Variants in CNGA1 observed in about 807,000 individuals in gnomAD.
The protein encoded by CNGA1 is cyclic nucleotide gated channel subunit alpha 1.
A neutral mutation model predicts 69.7 loss-of-function variants in CNGA1; 53 were observed. That is an observed-to-expected ratio of 0.76 (90% CI 0.61 to 0.96). CNGA1 has a LOEUF of 0.96. Ranked by LOEUF, CNGA1 falls within the 40% of genes least tolerant of loss-of-function variation. The pLI is 0.00. For missense variants in CNGA1, 739 were observed against 811.2 expected, an observed-to-expected ratio of 0.91 and a Z score of 1.08; for synonymous variants, 249 against 283.5, an observed-to-expected ratio of 0.88 and a Z score of 1.22.
chr4:47,973,694 C>T (rs372900532), intron 3 of CNGA1, among the ~76,000 whole-genome samples: 12 of 151,242 alleles, frequency 7.9e-5, no homozygotes, highest in Admixed American at 3.3e-4. Flanking sequence ...CAGTTAACTT[C>T]GGGATGTGTA....
rs181827806 is a variant in CNGA1 at position 47,961,693 on chromosome 4, A to G, written c.-14-8990T>C. ...TGGGGCGGAGTGAAGTTTACAGTGC[A>G]CTCCAGCCTGGGTGACAGAGCAAGA... On this transcript the variant is annotated intron_variant, in intron 3 of 10. Coordinates refer to ENST00000514170, the MANE Select transcript of CNGA1 (RefSeq NM_001379270.1). Among the ~76,000 whole-genome samples, 7 of 152,172 alleles carry G rather than the reference A, an allele frequency of 4.6e-5. No individual in the cohort carries two copies. The East Asian group carries it at 1.4e-3, about 29-fold the overall frequency.
intron 2 of CNGA1, among the ~76,000 whole-genome samples, chr4:47,999,422 T>C (rs1714561570): frequency 6.6e-6 from 1 of 152,216 alleles, no homozygotes; most frequent in South Asian, 2.1e-4. Flanking sequence ...CCTTCCCCTC[T>C]TTTAAGGAGG....
intron 2 of CNGA1, among the ~76,000 whole-genome samples, chr4:47,995,919 G>A (rs1027202445): frequency 6.6e-6 from 1 of 152,062 alleles, no homozygotes; most frequent in Non-Finnish European, 1.5e-5. Context: ...TCTCTCTTCT[G>A]GATCTAGCCA....
intron 3 of CNGA1, among the ~76,000 whole-genome samples, chr4:47,953,755 T>C (rs1429478142): frequency 6.6e-6 from 1 of 152,196 alleles, no homozygotes; most frequent in African/African-American, 2.4e-5. Context: ...CTATGATTTC[T>C]GTTCATGGTC....
chr4:47,971,836 G>T lies in CNGA1; in HGVS notation c.-15+9557C>A, dbSNP rs965220685. 2.0e-5 allele frequency among the ~76,000 whole-genome samples: 3 copies of T among 152,200 alleles called. No individual in the cohort carries two copies. In the East Asian group the frequency reaches 5.8e-4, roughly 29 times the overall value. ...TTGAACCTGGGAGGTGGAGGTTGCAGTGAGCTGAGATCATGCCATTGCACT... is the reference window on the plus strand; with the variant it reads ...TTGAACCTGGGAGGTGGAGGTTGCATTGAGCTGAGATCATGCCATTGCACT... On this transcript the variant is annotated intron_variant, in intron 3 of 10. Coordinates refer to ENST00000514170, the MANE Select transcript of CNGA1 (RefSeq NM_001379270.1).
chr4:47,963,105 G>A (rs995334283), intron 3 of CNGA1, among the ~76,000 whole-genome samples: 7 of 152,034 alleles, frequency 4.6e-5, no homozygotes, highest in South Asian at 2.1e-4. Context: ...ATACAGGCAC[G>A]TACCACCACA....
intron 2 of CNGA1, among the ~76,000 whole-genome samples, chr4:48,003,083 T>A (rs1431330735): frequency 2.0e-5 from 3 of 152,144 alleles, no homozygotes; most frequent in Admixed American, 6.5e-5. Flanking sequence ...CCTGATGACA[T>A]GTGCCCAAGG....
At chr4:47,963,739 A>G (rs1740582987) in intron 3 of CNGA1, among the ~76,000 whole-genome samples, 1 of 152,206 alleles carries the variant, frequency 6.6e-6, no homozygotes. Context: ...GAAAGAGTCC[A>G]AGGCAGGACT....
intron 10 of CNGA1, among the ~76,000 whole-genome samples, chr4:47,938,041 A>T (rs943234186): frequency 6.6e-6 from 1 of 151,992 alleles, no homozygotes; most frequent in Non-Finnish European, 1.5e-5. Context: ...TTTTGGCCAG[A>T]CAGCTCACAT....
intron 9 of CNGA1, among the ~76,000 whole-genome samples, chr4:47,941,474 A>G (rs1263683644): frequency 6.6e-6 from 1 of 152,240 alleles, no homozygotes; most frequent in Non-Finnish European, 1.5e-5. Context: ...CATCTAAAAG[A>G]CATTAAATCC....
intron 3 of CNGA1, among the ~76,000 whole-genome samples, chr4:47,954,003 C>A (rs1560627407): frequency 6.6e-6 from 1 of 152,126 alleles, no homozygotes; most frequent in Admixed American, 6.5e-5. Flanking sequence ...ACGTCCCCCC[C>A]ATCCTGTGCC....
chr4:47,987,073 CTTT>C (rs1742008816), intron 2 of CNGA1, among the ~76,000 whole-genome samples: 1 of 151,588 alleles, frequency 6.6e-6, no homozygotes. Context: ...CACTGGATTT[CTTT>C]TCCGGGTACC....
In CNGA1 at chr4:47,983,621, A is replaced by T. The variant is rs202115071; in HGVS notation, c.-122-2121T>A. Among the ~76,000 whole-genome samples the T allele has an allele frequency of 3.7e-4, 45 of 120,484 alleles. No individual in the cohort carries two copies. The East Asian group carries it at 0.015, about 40-fold the overall frequency. The allele number at this position is 120,484 out of a possible 152,430, so 79.0% of individuals were successfully genotyped here. A position where few individuals can be genotyped will look rare whatever the true frequency, so the allele number is the denominator to read the frequency against. On this transcript the variant is annotated intron_variant, in intron 2 of 10. Coordinates refer to ENST00000514170, the MANE Select transcript of CNGA1 (RefSeq NM_001379270.1). ...AACAACAACAAAAAAAAAGTAAAAGAAAAAGAAAAAGAAAAAGAGAATAAG... is the reference window on the plus strand; with the variant it reads ...AACAACAACAAAAAAAAAGTAAAAGTAAAAGAAAAAGAAAAAGAGAATAAG...
chr4:48,002,586 G>GTAA (rs1714706499), intron 2 of CNGA1, among the ~76,000 whole-genome samples: 1 of 150,116 alleles, frequency 6.7e-6, no homozygotes, highest in African/African-American at 2.5e-5. Context: ...AGATGAAATA[G>GTAA]GCGTCAAAGC....
chr4:47,939,672 A>G (rs533839546), intron 10 of CNGA1, among the ~76,000 whole-genome samples: 115 of 152,306 alleles, frequency 7.6e-4, no homozygotes, highest in African/African-American at 2.6e-3. Flanking sequence ...GTCCAAATTC[A>G]GTTAAATTTT....
rs1447301770 is a variant in CNGA1 at position 47,952,710 on chromosome 4, AGAAAGAAGTCTTATTAGTG to A, written c.-14-26_-14-8del. 12 of 1,565,528 alleles carry A rather than the reference AGAAAGAAGTCTTATTAGTG, an allele frequency of 7.7e-6. No homozygotes were observed. In the African/African-American group the frequency reaches 1.5e-4, roughly 20 times the overall value. On this transcript the variant is annotated splice_polypyrimidine_tract_variant and splice_region_variant and intron_variant, in intron 3 of 10. Coordinates refer to ENST00000514170, the MANE Select transcript of CNGA1 (RefSeq NM_001379270.1). Reference sequence around the variant, plus strand: ...TTCATGGATAGTTTCATATCTGAGGAGAAAGAAGTCTTATTAGTGGAAAGGCTATTTTTATATATTTACA... The same window carrying A: ...TTCATGGATAGTTTCATATCTGAGGAGAAAGGCTATTTTTATATATTTACA...
intron 2 of CNGA1, among the ~76,000 whole-genome samples, chr4:48,001,674 G>A (rs1240379975): frequency 6.6e-6 from 1 of 152,124 alleles, no homozygotes; most frequent in African/African-American, 2.4e-5. Flanking sequence ...TACATTTAGA[G>A]CAAGCAACTT....
At chr4:48,009,292 C>T (rs1211799901) in intron 2 of CNGA1, among the ~76,000 whole-genome samples, 2 of 151,774 alleles carry the variant, frequency 1.3e-5, no homozygotes, top group Admixed American at 1.3e-4. Context: ...TGGTGAAACC[C>T]CATCTCTACC....
rs768157440 is a variant in CNGA1, at chr4:47,952,640, T to C, written c.50A>G (p.Asn17Ser). ...NTQQSFVTMPNVIVPDIEKEI... is the reference protein window; with the variant it reads ...NTQQSFVTMPSVIVPDIEKEI... The stretch of plus-strand genomic sequence containing the variant: ...CTTTTCAATATCTGGTACAATCACA[T>C]TGGGCATGGTTACAAAAGACTGCTG... The change falls in exon 4 of 11, where the codon AAT becomes AGT. Residue 17 changes from asparagine (N) to serine (S), a missense_variant. Physicochemically the swap from Asn to Ser is conservative, Grantham distance 46. Coordinates refer to ENST00000514170, the MANE Select transcript of CNGA1 (RefSeq NM_001379270.1). The C allele has an allele frequency of 2.5e-6, 4 of 1,609,214 alleles. No individual in the cohort carries two copies. The highest frequency in any genetic ancestry group is 2.2e-5 in the South Asian group (2 of 90,494).
Sources: allele counts gnomAD v4.1 joint callset (sites outside exome capture counted in the v4.1 genomes callset), GRCh38; gene constraint gnomAD v4.1.1; transcripts MANE v1.5; gene names NCBI Gene and HGNC (gene_info 2026-07-23, HGNC 2026-07-21).